The following GRAP2 variants were observed in gnomAD, a reference collection of about 807,000 sequenced individuals.
GRAP2 encodes GRB2-related adapter protein 2.
Under a neutral mutation model 43.5 loss-of-function variants are expected in GRAP2, and 31 were observed. That is an observed-to-expected ratio of 0.71 (90% CI 0.54 to 0.96). The LOEUF (loss-of-function observed/expected upper bound fraction) is 0.96. GRAP2 is among the 40% of genes least tolerant of loss of function. The pLI is 0.00. For synonymous variants in GRAP2, 156 were observed against 164.8 expected (o/e 0.95, Z 0.41); for missense variants, 371 against 424.4 (o/e 0.87, Z 1.11).
At chr22:39,940,532 C>T (rs780105094) in intron 1 of GRAP2, among the ~76,000 whole-genome samples, 1 of 152,034 alleles carries the variant, frequency 6.6e-6, no homozygotes, top group Admixed American at 6.6e-5. Flanking sequence ...CCATCTGTAA[C>T]CTTTCTCAGT....
At chr22:39,905,214 C>G (rs2066515388) in intron 1 of GRAP2, among the ~76,000 whole-genome samples, 1 of 152,164 alleles carries the variant, frequency 6.6e-6, no homozygotes, top group Non-Finnish European at 1.5e-5. Flanking sequence ...AACAAACTCT[C>G]ACCCGGTGAC....
Position 39,967,611 on chromosome 22 carries a change from C to A in GRAP2, c.460-431C>A, listed in dbSNP as rs557343075. ...AATGTTGCTGTTTGGGTCTCTATCA[C>A]CAGGCTGTAAATGACAGTTCAAAAT... is the stretch of plus-strand genomic sequence containing the variant. On this transcript the variant is annotated intron_variant, in intron 5 of 7. Transcript: ENST00000344138. Among the ~76,000 whole-genome samples the A allele has an allele frequency of 6.6e-5, 10 of 152,310 alleles. No individual in the cohort carries two copies. The South Asian group carries it at 2.1e-3, about 32-fold the overall frequency.
At chr22:39,937,470 C>G (rs1047536406) in intron 1 of GRAP2, among the ~76,000 whole-genome samples, 1 of 152,134 alleles carries the variant, frequency 6.6e-6, no homozygotes, top group South Asian at 2.1e-4. Context: ...GAGAAGCTAG[C>G]GCCTGCCCAG....
intron 1 of GRAP2, among the ~76,000 whole-genome samples, chr22:39,945,050 G>A (rs1212164849): frequency 6.6e-6 from 1 of 152,188 alleles, no homozygotes; most frequent in Non-Finnish European, 1.5e-5. Flanking sequence ...GAAGCCTTGT[G>A]TGTTAAAATG....
chr22:39,948,851 C>T (rs1446685950), intron 2 of GRAP2, among the ~76,000 whole-genome samples: 1 of 152,204 alleles, frequency 6.6e-6, no homozygotes, highest in African/African-American at 2.4e-5. Flanking sequence ...CTCCTCCCTT[C>T]CTGACCACTC....
Position 39,960,303 on chromosome 22 carries a change from G to A in GRAP2, c.290+129G>A, listed in dbSNP as rs1000865339. ...GCATGGTGGCCTAGGGGCCAAGCAT[G>A]GCAGCAGCTTCACAACCTGCTGCTC... On this transcript the variant is annotated intron_variant, in intron 4 of 7. Transcript: ENST00000344138. The A allele has an allele frequency of 1.8e-5, 15 of 828,094 alleles. No individual in the cohort carries two copies. The African/African-American group carries it at 1.9e-4, about 10-fold the overall frequency. The allele number at this position is 828,094 out of a possible 1,614,324, so 51.3% of individuals were successfully genotyped here.
chr22:39,904,918 A>G (rs1193425272), intron 1 of GRAP2, among the ~76,000 whole-genome samples: 2 of 152,158 alleles, frequency 1.3e-5, no homozygotes, highest in East Asian at 3.8e-4. Context: ...TTTATTTCTC[A>G]TAAGCTCCAA....
intron 1 of GRAP2, among the ~76,000 whole-genome samples, chr22:39,918,825 C>A (rs1374065816): frequency 4.6e-5 from 7 of 152,176 alleles, no homozygotes; most frequent in African/African-American, 9.7e-5. Flanking sequence ...TTAGTACCTA[C>A]TATGCACAAA....
At chr22:39,945,616 A>G (rs1159450143) in intron 1 of GRAP2, among the ~76,000 whole-genome samples, 1 of 152,204 alleles carries the variant, frequency 6.6e-6, no homozygotes, top group East Asian at 1.9e-4. Flanking sequence ...CAAGAAAATA[A>G]CAGCTTTCAA....
chr22:39,931,867 T>C (rs780911613), intron 1 of GRAP2, among the ~76,000 whole-genome samples: 1 of 152,178 alleles, frequency 6.6e-6, no homozygotes, highest in Non-Finnish European at 1.5e-5. Context: ...TAATATATAA[T>C]GGTAAAAGCA....
chr22:39,970,662 T>G (rs2067230848), intron 7 of GRAP2, among the ~76,000 whole-genome samples: 1 of 152,202 alleles, frequency 6.6e-6, no homozygotes, highest in Non-Finnish European at 1.5e-5. Context: ...GGCTCACACC[T>G]GTAGTTCCAG....
intron 6 of GRAP2, chr22:39,968,541 G>C: frequency 2.0e-6 from 1 of 495,868 alleles, no homozygotes; most frequent in South Asian, 3.9e-5. Flanking sequence ...TGAGGACCCA[G>C]TAAACAATTG....
chr22:39,902,320 G>A (rs1405182373), intron 1 of GRAP2, among the ~76,000 whole-genome samples: 1 of 151,938 alleles, frequency 6.6e-6, no homozygotes, highest in Non-Finnish European at 1.5e-5. Flanking sequence ...TCTTATTTTT[G>A]GTTTCGGAAA....
rs910292783 is a variant in GRAP2, at chr22:39,960,172, C to T, written c.288C>T (p.Val96=). The change falls in exon 4 of 8, where the codon GTC becomes GTT. Residue 96 remains valine (V), a splice_region_variant and synonymous_variant. Transcript: ENST00000344138. The stretch of plus-strand genomic sequence containing the variant: ...CCCCAGGGGACTTCTCCATCTCTGT[C>T]AGGTACTGACCATTCCTGACACTGC... ...QSSPGDFSIS[V]RHEDDVQHFK... The T allele has an allele frequency of 2.5e-6, 4 of 1,613,738 alleles. No individual in the cohort carries two copies. The Admixed American group carries it at 6.7e-5, about 27-fold the overall frequency.
chr22:39,900,479 G>T (rs1026843130), upstream of GRAP2, among the ~76,000 whole-genome samples: 1 of 152,322 alleles, frequency 6.6e-6, no homozygotes, highest in South Asian at 2.1e-4. Context: ...ATAGGGGGAA[G>T]GGTGAGTGGT....
At chr22:39,905,766 C>A (rs1444541286) in intron 1 of GRAP2, among the ~76,000 whole-genome samples, 2 of 152,092 alleles carry the variant, frequency 1.3e-5, no homozygotes, top group African/African-American at 4.8e-5. Flanking sequence ...TTAACTAGTA[C>A]CTGGTGGAGC....
chr22:39,903,774 G>C (rs1300690635), intron 1 of GRAP2, among the ~76,000 whole-genome samples: 2 of 152,038 alleles, frequency 1.3e-5, no homozygotes, highest in African/African-American at 4.8e-5. Flanking sequence ...ACTACACCTG[G>C]CCTGCCCTTT....
intron 4 of GRAP2, among the ~76,000 whole-genome samples, chr22:39,964,889 T>A (rs1349446552): frequency 1.3e-5 from 2 of 152,110 alleles, no homozygotes; most frequent in Non-Finnish European, 2.9e-5. Flanking sequence ...TTAAACCAAC[T>A]CATTTGAAAG....
intron 1 of GRAP2, among the ~76,000 whole-genome samples, chr22:39,911,573 A>G (rs1180128162): frequency 6.6e-6 from 1 of 152,096 alleles, no homozygotes; most frequent in Non-Finnish European, 1.5e-5. Flanking sequence ...AATATTTATC[A>G]TTTCAAGCTC....
Sources: allele counts gnomAD v4.1 joint callset (sites outside exome capture counted in the v4.1 genomes callset), GRCh38; gene constraint gnomAD v4.1.1; transcripts MANE v1.5; gene names NCBI Gene and HGNC (gene_info 2026-07-23, HGNC 2026-07-21).